The following ADGRV1 variants were observed in gnomAD, a reference collection of about 807,000 sequenced individuals.
ADGRV1 encodes the protein G-protein coupled receptor 98.
A neutral mutation model predicts 596.2 loss-of-function variants in ADGRV1; 359 were observed. The ratio of observed to expected loss-of-function variants is 0.60; its 90% CI spans 0.55 to 0.66. The LOEUF (loss-of-function observed/expected upper bound fraction) is 0.66. Ranked by LOEUF, ADGRV1 falls within the 30% of genes least tolerant of loss-of-function variation. ADGRV1 has a pLI of 0.00. For synonymous variants in ADGRV1, 2,681 were observed against 2,679.2 expected, an observed-to-expected ratio of 1.00 and a Z score of -0.02; for missense variants, 7,274 against 7,575.6, an observed-to-expected ratio of 0.96 and a Z score of 1.48.
intron 86 of ADGRV1, among the ~76,000 whole-genome samples, chr5:91,074,959 G>A (rs1266614543): frequency 6.6e-6 from 1 of 152,058 alleles, no homozygotes; most frequent in Non-Finnish European, 1.5e-5. Flanking sequence ...ATGCTTGTTG[G>A]CTTCTTCATG....
In ADGRV1 at chr5:90,676,124, A is replaced by G; in HGVS notation, c.5358A>G (p.Lys1786=). 5 of 1,604,720 alleles carry G rather than the reference A, an allele frequency of 3.1e-6. No homozygotes were observed. The highest frequency in any genetic ancestry group is 2.6e-6 in the Non-Finnish European group (3 of 1,174,238). ...TLEFQPGERY[K]YIFINITDNS... ...AATTTCAACCAGGAGAAAGATATAA[A>G]TACATTTTCATAAACATCACTGATA... is the stretch of plus-strand genomic sequence containing the variant. Residue 1786 remains lysine (K), a synonymous_variant, in exon 25 of 90, where the codon AAA becomes AAG. Transcript: ENST00000405460.
rs1241959677 is a variant in ADGRV1 at position 90,789,715 on chromosome 5, G to A, written c.13907G>A (p.Gly4636Asp). Residue 4636 changes from glycine (G) to aspartate (D), a missense_variant, in exon 69 of 90, where the codon GGT becomes GAT. Physicochemically the swap from Gly to Asp is moderately conservative, Grantham distance 94. Coordinates refer to ENST00000405460, the MANE Select transcript of ADGRV1 (RefSeq NM_032119.4). The part of the protein sequence containing the change: ...KDVTLTIQEF[G>D]DPNGVVQFAP... The stretch of plus-strand genomic sequence containing the variant: ...TATATTTTTTAGATACAAGAGTTTG[G>A]TGACCCAAATGGAGTTGTTCAGTTT... 3 of 1,551,068 alleles carry A rather than the reference G, an allele frequency of 1.9e-6. No homozygotes were observed. In the African/African-American group the frequency reaches 4.1e-5, roughly 21 times the overall value.
intron 70 of ADGRV1, among the ~76,000 whole-genome samples, chr5:90,801,166 G>A (rs1183060371): frequency 6.6e-6 from 1 of 152,160 alleles, no homozygotes; most frequent in East Asian, 1.9e-4. Flanking sequence ...TTGAGAACAT[G>A]ATCAACTCCT....
intron 89 of ADGRV1, among the ~76,000 whole-genome samples, chr5:91,157,326 A>G (rs1284231273): frequency 6.6e-6 from 1 of 152,234 alleles, no homozygotes. Flanking sequence ...AATTTCCACT[A>G]TATCATACAT....
chr5:91,084,113 G>T (rs778573861), intron 86 of ADGRV1, among the ~76,000 whole-genome samples: 1 of 151,820 alleles, frequency 6.6e-6, no homozygotes, highest in Admixed American at 6.6e-5. Flanking sequence ...CCCTTCTGCC[G>T]GTTTCTTACT....
At position 90,994,285 on chromosome 5, in the gene ADGRV1, A is replaced by G. The variant is rs542406940; in HGVS notation, c.18152+8763A>G. On this transcript the variant is annotated intron_variant, in intron 85 of 89. Transcript: ENST00000405460. ...ACCATGTTGGCCAGGCTGGTCTCGA[A>G]CTCCTGACCTCAGGTGATCTGCCCA... is the stretch of plus-strand genomic sequence containing the variant. Among the ~76,000 whole-genome samples the G allele has an allele frequency of 3.3e-5, 5 of 151,524 alleles. No individual in the cohort carries two copies. The East Asian group carries it at 9.7e-4, about 29-fold the overall frequency.
intron 85 of ADGRV1, among the ~76,000 whole-genome samples, chr5:91,056,328 C>A (rs897093522): frequency 2.0e-5 from 3 of 152,084 alleles, no homozygotes. Flanking sequence ...CAAACAGTGA[C>A]CATGACCTTT....
chr5:91,158,656 C>T (rs1489779047), intron 89 of ADGRV1, among the ~76,000 whole-genome samples: 1 of 152,164 alleles, frequency 6.6e-6, no homozygotes, highest in Non-Finnish European at 1.5e-5. Context: ...GAATAGGAAG[C>T]ATGGTCCATC....
At chr5:90,992,274 G>A (rs1410827666) in intron 85 of ADGRV1, among the ~76,000 whole-genome samples, 1 of 152,154 alleles carries the variant, frequency 6.6e-6, no homozygotes, top group South Asian at 2.1e-4. Context: ...AACATGCTCA[G>A]TATATCTGAC....
chr5:91,069,906 AC>A (rs1444803936), intron 85 of ADGRV1, among the ~76,000 whole-genome samples: 4 of 149,278 alleles, frequency 2.7e-5, no homozygotes, highest in Non-Finnish European at 1.5e-5. Flanking sequence ...GTACATATAA[AC>A]CATAGAATAC....
chr5:90,798,643 A>C (rs112532717), intron 70 of ADGRV1, among the ~76,000 whole-genome samples: 2,942 of 152,334 alleles, frequency 0.019, 101 homozygotes, highest in African/African-American at 0.068. Flanking sequence ...TTTCAGGCCA[A>C]TATCTGTGAT....
chr5:90,759,365 T>C (rs1232271612), intron 57 of ADGRV1, 44 bp from the exon 58 acceptor site: 6 of 1,338,688 alleles, frequency 4.5e-6, no homozygotes, highest in South Asian at 1.3e-5. Context: ...TCTTCCTCCT[T>C]CTTTTCCTCC....
chr5:90,994,187 C>T (rs1781218892), intron 85 of ADGRV1, among the ~76,000 whole-genome samples: 1 of 151,928 alleles, frequency 6.6e-6, no homozygotes, highest in South Asian at 2.1e-4. Flanking sequence ...CTCCGCCTCC[C>T]AAGTAGCTGG....
chr5:90,708,895 T>G lies in ADGRV1; in HGVS notation c.8810T>G (p.Phe2937Cys). The G allele has an allele frequency of 6.2e-7, 1 of 1,609,904 alleles. No individual in the cohort carries two copies. The highest frequency in any genetic ancestry group is 1.1e-5 in the South Asian group (1 of 90,882). Residue 2937 changes from phenylalanine to cysteine, a missense_variant, in exon 39 of 90, where the codon TTT becomes TGT. Physicochemically the swap from Phe to Cys is radical, Grantham distance 205. Around this residue, in one of 5 missense-constraint regions of ADGRV1, gnomAD observed 3,643 missense variants for 3,809.2 expected, o/e 0.96. Coordinates refer to ENST00000405460, the MANE Select transcript of ADGRV1 (RefSeq NM_032119.4). Reference protein sequence around the residue: ...VGLTMAASTSFPPRLDSEGLT... With the variant: ...VGLTMAASTSCPPRLDSEGLT... ...CTTACCATGGCTGCTTCAACTTCAT[T>G]TCCTCCCAGACTAGGTATGAGGGGT...
chr5:91,089,265 T>TATAC (rs1329004545), intron 86 of ADGRV1, among the ~76,000 whole-genome samples: 4 of 152,224 alleles, frequency 2.6e-5, no homozygotes, highest in Admixed American at 2.6e-4. Context: ...GAGTAAGTAA[T>TATAC]ATACATACAG....
chr5:90,944,164 A>G (rs1014899562), intron 83 of ADGRV1, among the ~76,000 whole-genome samples: 1 of 152,168 alleles, frequency 6.6e-6, no homozygotes, highest in African/African-American at 2.4e-5. Context: ...AAAAGTATTT[A>G]TTTAGTACAT....
chr5:90,644,825 C>G lies in ADGRV1; in HGVS notation c.2854C>G (p.Gln952Glu). 6.2e-7 allele frequency: 1 copy of G among 1,608,014 alleles called. No homozygotes were observed. Among genetic ancestry groups the G allele is most frequent in the South Asian group, 1.1e-5 (1 of 88,848 alleles). ...PVQGTVVFGDQEFSKNITIYS... is the reference protein window; with the variant it reads ...PVQGTVVFGDEEFSKNITIYS... ...ACAAGGGACTGTTGTCTTTGGAGAT[C>G]AGGAATTTTCAAAAAATATCACCAT... The change falls in exon 15 of 90, where the codon CAG becomes GAG. Residue 952 changes from glutamine to glutamate, a missense_variant. Physicochemically the swap from Gln to Glu is conservative, Grantham distance 29. This residue lies in a region of ADGRV1 where 1,715 missense variants were observed against 1,708.8 expected (regional missense o/e 1.00). Transcript: ENST00000405460.
intron 85 of ADGRV1, among the ~76,000 whole-genome samples, chr5:91,014,986 G>A (rs1400940052): frequency 1.3e-5 from 2 of 151,894 alleles, no homozygotes; most frequent in African/African-American, 4.8e-5. Flanking sequence ...ATTAATTTGA[G>A]ATCTATCTAA....
intron 50 of ADGRV1, among the ~76,000 whole-genome samples, chr5:90,740,930 T>C (rs1753884250): frequency 6.6e-6 from 1 of 152,208 alleles, no homozygotes; most frequent in Non-Finnish European, 1.5e-5. Flanking sequence ...CTGTTCTTTG[T>C]CTGTGGTCCA....
Sources: gnomAD v4.1 joint callset for allele counts (sites outside exome capture counted in the v4.1 genomes callset) on GRCh38, gnomAD v4.1.1 for gene constraint, gnomAD v4.1.1 regional missense constraint, MANE v1.5 for transcripts, NCBI Gene and HGNC (gene_info 2026-07-23, HGNC 2026-07-21) for gene names.